The following ATAD3A variants were observed in gnomAD, a reference collection of about 807,000 sequenced individuals.
ATAD3A encodes ATPase family AAA domain containing 3A.
In ATAD3A, 46 loss-of-function variants were observed where a neutral mutation model predicts 73.8. The ratio of observed to expected loss-of-function variants is 0.62; its 90% confidence interval spans 0.49 to 0.80. The LOEUF is 0.80. Among genes scored for constraint, ATAD3A ranks in the 30% least tolerant of loss-of-function variants. The probability of loss-of-function intolerance (pLI) is 0.00; values close to 1 mark genes in which losing one functional copy is unlikely to be tolerated. For missense variants in ATAD3A, 705 were observed against 838.0 expected (o/e 0.84, Z 1.96); for synonymous variants, 319 against 350.0 (o/e 0.91, Z 0.99).
chr1:1,521,022 C>T (rs956012453), intron 7 of ATAD3A, among the ~76,000 whole-genome samples: 2 of 151,748 alleles, frequency 1.3e-5, no homozygotes, highest in African/African-American at 2.4e-5. Flanking sequence ...TGTCGATAGT[C>T]GTGGCTCACA....
chr1:1,524,593 A>G (rs1557470931), intron 11 of ATAD3A, among the ~76,000 whole-genome samples, 196 bp downstream of exon 11: 1 of 128,984 alleles, frequency 7.8e-6, no homozygotes, highest in Non-Finnish European at 1.5e-5. Flanking sequence ...CGAGGCCCCC[A>G]GCGTGTGGAG....
In ATAD3A at chr1:1,512,448, G is replaced by A. The variant is rs1356452105; in HGVS notation, c.180G>A (p.Lys60=). 6 of 1,211,568 alleles carry A rather than the reference G, an allele frequency of 5.0e-6. No homozygotes were observed. The African/African-American group carries it at 6.6e-5, about 13-fold the overall frequency. The allele number at this position is 1,211,568 out of a possible 1,614,324, so 75.1% of individuals were successfully genotyped here. ...FDPTGLERAA[K]AARELEHSRY... is the part of the protein sequence containing the mutation. ...CCACCGGCCTGGAGCGCGCCGCCAA[G>A]GCGGCGCGCGAGCTGGAGCACTCGC... The change falls in exon 1 of 16, where the codon AAG becomes AAA. Residue 60 remains lysine, a synonymous_variant. Transcript: ENST00000378756.
chr1:1,524,608 C>A (rs1641736460), intron 11 of ATAD3A, among the ~76,000 whole-genome samples: 1 of 129,882 alleles, frequency 7.7e-6, no homozygotes, highest in Non-Finnish European at 1.5e-5. Flanking sequence ...GTGGAGGCTG[C>A]CAGTGGGATA....
At chr1:1,531,670 T>G (rs1320165571) in intron 15 of ATAD3A, among the ~76,000 whole-genome samples, 7 of 150,320 alleles carry the variant, frequency 4.7e-5, no homozygotes, top group Admixed American at 4.6e-4. Context: ...CCCAGCTACT[T>G]GGGAGGCTGA....
intron 13 of ATAD3A, 91 bp from the exon 14 acceptor site, chr1:1,527,604 G>T: frequency 6.8e-7 from 1 of 1,467,376 alleles, no homozygotes; most frequent in African/African-American, 1.4e-5. Context: ...GCCACTTTAG[G>T]TTCTCCCTGT....
In ATAD3A at chr1:1,522,599, G is replaced by A. The variant is rs115803540; in HGVS notation, c.751-145G>A. 230 of 1,476,374 alleles carry A rather than the reference G, an allele frequency of 1.6e-4. No individual in the cohort carries two copies. In the African/African-American group the frequency reaches 2.6e-3, roughly 17 times the overall value. 91.5% of individuals were successfully genotyped at this position (1,476,374 alleles called of 1,614,324 possible). On this transcript the variant is annotated intron_variant, in intron 7 of 15. Transcript: ENST00000378756. ...CCGCGTGGCTGTGGGATTCGGGGCC[G>A]GGAATTCGCGTTCCTGTGGGGCCAG...
rs1192338559 is a variant in ATAD3A at position 1,527,644 on chromosome 1, T to G, written c.1338-51T>G. The G allele has an allele frequency of 3.8e-6, 6 of 1,567,700 alleles. No individual in the cohort carries two copies. In the Admixed American group the frequency reaches 1.1e-4, roughly 28 times the overall value. ...GCTGAGGAGGCCCCGTTCCCCTTGG[T>G]GCAGCTCGGCCGGCAGCCCCAGCAT... On this transcript the variant is annotated intron_variant, in intron 13 of 15. Coordinates refer to ENST00000378756, the MANE Select transcript of ATAD3A (RefSeq NM_001170535.3).
chr1:1,529,322 G>T lies in ATAD3A; in HGVS notation c.1605G>T (p.Val535=). The change falls in exon 15 of 16, where the codon GTG becomes GTT. Residue 535 remains valine, a synonymous_variant. Coordinates refer to ENST00000378756, the MANE Select transcript of ATAD3A (RefSeq NM_001170535.3). ...GCCGGGAGATCGCTCAGCTGGCCGTGTCCTGGCAGGTGAGTCAGGCTCCGG... is the reference window on the plus strand; with the variant it reads ...GCCGGGAGATCGCTCAGCTGGCCGTTTCCTGGCAGGTGAGTCAGGCTCCGG... ...MSGREIAQLA[V]SWQATAYASE... The T allele has an allele frequency of 6.3e-7, 1 of 1,585,180 alleles. No homozygotes were observed. Among genetic ancestry groups the T allele is most frequent in the Non-Finnish European group, 8.6e-7 (1 of 1,166,194 alleles).
At chr1:1,528,732 C>A (rs560659463) in intron 14 of ATAD3A, among the ~76,000 whole-genome samples, 3 of 152,260 alleles carry the variant, frequency 2.0e-5, no homozygotes, top group Non-Finnish European at 4.4e-5. Flanking sequence ...TGACCCAAAT[C>A]CCTGCTGTCG....
At chr1:1,528,778 C>T (rs964697452) in intron 14 of ATAD3A, among the ~76,000 whole-genome samples, 3 of 152,248 alleles carry the variant, frequency 2.0e-5, no homozygotes, top group Admixed American at 6.5e-5. Flanking sequence ...TTGCCGCTGC[C>T]GCCTGCTCCA....
chr1:1,517,924 C>T lies in ATAD3A; in HGVS notation c.444+149C>T, dbSNP rs141065088. 9,518 of 996,516 alleles carry T rather than the reference C, an allele frequency of 9.6e-3. 71 individuals carry two copies. Among genetic ancestry groups the T allele is most frequent in the Non-Finnish European group, 0.012 (8,101 of 648,550 alleles). The allele number at this position is 996,516 out of a possible 1,614,324, so 61.7% of individuals were successfully genotyped here. On this transcript the variant is annotated intron_variant, in intron 4 of 15. Transcript: ENST00000378756. ...GCAGGGGAAACTACTCGGACAGACA[C>T]GCACCAGCACACGTGTACAGGCACA...
intron 15 of ATAD3A, among the ~76,000 whole-genome samples, chr1:1,529,575 G>T (rs1641966712): frequency 6.6e-6 from 1 of 152,256 alleles, no homozygotes; most frequent in Admixed American, 6.5e-5. Context: ...GGGCTCTCTG[G>T]AGGCCAGTCT....
intron 15 of ATAD3A, among the ~76,000 whole-genome samples, chr1:1,530,527 G>A (rs768365654): frequency 1.7e-4 from 24 of 143,636 alleles, no homozygotes; most frequent in South Asian, 4.4e-4. Context: ...GCAAGACCCT[G>A]TCTTAAAAAC....
chr1:1,520,229 G>A lies in ATAD3A; in HGVS notation c.603G>A (p.Arg201=). The A allele has an allele frequency of 6.2e-7, 1 of 1,612,694 alleles. No individual in the cohort carries two copies. Among genetic ancestry groups the A allele is most frequent in the East Asian group, 2.2e-5 (1 of 44,878 alleles). ...AEARARAKAE[R]ENADIIREQI... ...CCCGGGCGCGCGCCAAGGCCGAGCGGGAGAATGCAGACATCATCCGCGAGC... is the reference window on the plus strand; with the variant it reads ...CCCGGGCGCGCGCCAAGGCCGAGCGAGAGAATGCAGACATCATCCGCGAGC... The change falls in exon 6 of 16, where the codon CGG becomes CGA. Residue 201 remains arginine (R), a synonymous_variant. Coordinates refer to ENST00000378756, the MANE Select transcript of ATAD3A (RefSeq NM_001170535.3). The surrounding 1 kb of genome is among the most constrained non-coding windows in gnomAD (Gnocchi z 4.0).
At position 1,534,069 on chromosome 1, in the gene ATAD3A, C is replaced by T. The variant is rs769534292; in HGVS notation, c.1758C>T (p.Ser586=). The change falls in exon 16 of 16, where the codon TCC becomes TCT. Residue 586 remains serine, a synonymous_variant. Coordinates refer to ENST00000378756, the MANE Select transcript of ATAD3A (RefSeq NM_001170535.3). ...GPGRGDEPSP[S] ...GGCGTGGGGACGAGCCCTCCCCATCCTGAGTCCACAGGGAGATCCACAGCT... is the reference window on the plus strand; with the variant it reads ...GGCGTGGGGACGAGCCCTCCCCATCTTGAGTCCACAGGGAGATCCACAGCT... 11 of 1,613,502 alleles carry T rather than the reference C, an allele frequency of 6.8e-6. No individual in the cohort carries two copies. In the Admixed American group the frequency reaches 1.2e-4, roughly 17 times the overall value.
rs201799730 is a variant in ATAD3A, at chr1:1,534,109, G to A, written c.*37G>A. 3.5e-4 allele frequency: 563 copies of A among 1,613,002 alleles called. 1 individual carries two copies. Among genetic ancestry groups the A allele is most frequent in the Middle Eastern group, 2.0e-3 (12 of 5,956 alleles). Reference sequence around the variant, plus strand: ...GATCCACAGCTCACGGAGCCTGGCCGCGGACCCCTCCCACCCCTGCCTTGC... The same window carrying A: ...GATCCACAGCTCACGGAGCCTGGCCACGGACCCCTCCCACCCCTGCCTTGC... On this transcript the variant is annotated 3_prime_UTR_variant, in exon 16 of 16. Coordinates refer to ENST00000378756, the MANE Select transcript of ATAD3A (RefSeq NM_001170535.3).
At position 1,532,926 on chromosome 1, in the gene ATAD3A, T is replaced by TCTCCTGCG. The variant is rs529032562; in HGVS notation, c.1615-995_1615-988dup. The stretch of plus-strand genomic sequence containing the variant: ...AGTGGCGGTGCGGCTCCGGTCAGTG[T>TCTCCTGCG]CTCCTGCGCTCCCGGGCCCCCGACC... On this transcript the variant is annotated intron_variant, in intron 15 of 15. Transcript: ENST00000378756. Among the ~76,000 whole-genome samples, 64 of 151,964 alleles carry TCTCCTGCG rather than the reference T, an allele frequency of 4.2e-4. No homozygotes were observed. In the South Asian group the frequency reaches 9.8e-3, roughly 23 times the overall value.
intron 12 of ATAD3A, 44 bp from the exon 13 acceptor site, chr1:1,526,417 A>C: frequency 6.4e-7 from 1 of 1,565,188 alleles, no homozygotes; most frequent in South Asian, 1.2e-5. Context: ...GCTGTTTACA[A>C]GGCTTTGCTC....
At chr1:1,518,441 G>C in intron 4 of ATAD3A, among the ~76,000 whole-genome samples, 1 of 123,996 alleles carries the variant, frequency 8.1e-6, no homozygotes, top group African/African-American at 3.2e-5. Flanking sequence ...CCACACACAT[G>C]GGCGCGCGTA....
Sources: gnomAD v4.1 joint callset for allele counts (sites outside exome capture counted in the v4.1 genomes callset) on GRCh38, gnomAD v4.1.1 for gene constraint, Gnocchi (gnomAD v3.1) non-coding constraint, MANE v1.5 for transcripts, NCBI Gene and HGNC (gene_info 2026-07-23, HGNC 2026-07-21) for gene names.